Variants in POLR3F observed in about 807,000 individuals in gnomAD.
POLR3F encodes DNA-directed RNA polymerase III subunit RPC6.
Under a neutral mutation model 43.6 loss-of-function variants are expected in POLR3F, and 31 were observed. The observed-to-expected ratio is 0.71, with a 90% CI of 0.53 to 0.96. The LOEUF (loss-of-function observed/expected upper bound fraction) is 0.96. POLR3F is among the 40% of genes least tolerant of loss of function. The pLI is 0.00. For missense variants in POLR3F, 316 were observed against 391.7 expected (o/e 0.81, Z 1.63); for synonymous variants, 114 against 132.5 (o/e 0.86, Z 0.96).
At position 18,472,895 on chromosome 20, in the gene POLR3F, C is replaced by T. The variant is rs759362569; in HGVS notation, c.234C>T (p.Asp78=). ...SNTGLLYRIK[D]SQNAGKMKGS... ...CGGGCCTTTTATATAGAATAAAGGA[C>T]TCTCAGAATGCTGGGTAAGTACTTG... The change falls in exon 3 of 9, where the codon GAC becomes GAT. Residue 78 remains aspartate, a synonymous_variant. Transcript: ENST00000377603. 3.6e-5 allele frequency: 52 copies of T among 1,463,318 alleles called. No individual in the cohort carries two copies. The South Asian group carries it at 5.7e-4, about 16-fold the overall frequency. 90.6% of individuals were successfully genotyped at this position (1,463,318 alleles called of 1,614,324 possible). A position where few individuals can be genotyped will look rare whatever the true frequency, so the allele number is the denominator to read the frequency against.
intron 3 of POLR3F, 42 bp from the exon 4 acceptor site, chr20:18,473,349 C>G: frequency 1.2e-6 from 1 of 835,702 alleles, no homozygotes; most frequent in Non-Finnish European, 2.1e-6. Flanking sequence ...TTAGATTATC[C>G]TATAGTCCTT....
Position 18,484,014 on chromosome 20 carries a change from A to T in POLR3F, c.*456A>T, listed in dbSNP as rs1019469307. ...TCCTACTTTCTCAGTGGTTTCATTG[A>T]AAAGAAATTAGAAGGGGTTAAAGGC... On this transcript the variant is annotated 3_prime_UTR_variant, in exon 9 of 9. Transcript: ENST00000377603. The T allele has an allele frequency of 1.0e-5, 4 of 398,254 alleles. No individual in the cohort carries two copies. The highest frequency in any genetic ancestry group is 8.2e-5 in the African/African-American group (4 of 48,612). 24.7% of individuals were successfully genotyped at this position (398,254 alleles called of 1,614,324 possible).
intron 2 of POLR3F, among the ~76,000 whole-genome samples, chr20:18,470,441 C>T (rs1453132675): frequency 6.6e-6 from 1 of 152,206 alleles, no homozygotes; most frequent in Admixed American, 6.5e-5. Context: ...AAGAAGCAGC[C>T]ATGGATGATG....
At chr20:18,470,704 T>C (rs2059745221) in intron 2 of POLR3F, 1 of 154,286 alleles carries the variant, frequency 6.5e-6, no homozygotes, top group Admixed American at 6.5e-5. Flanking sequence ...CTGAAAATCA[T>C]CTTCAGCACC....
rs536161412 is a variant in POLR3F at position 18,473,561 on chromosome 20, A to G, written c.316+103A>G. 33 of 578,834 alleles carry G rather than the reference A, an allele frequency of 5.7e-5. No homozygotes were observed. In the East Asian group the frequency reaches 9.2e-4, roughly 16 times the overall value. 35.9% of individuals were successfully genotyped at this position (578,834 alleles called of 1,614,324 possible). On this transcript the variant is annotated intron_variant, in intron 4 of 8. Transcript: ENST00000377603. ...GGGTAGAACTCAGTGGACAGAGTAT[A>G]CTGAGGAAGGTAATAGAACATACAA...
chr20:18,481,813 G>A lies in POLR3F; in HGVS notation c.873+3G>A. On this transcript the variant is annotated splice_donor_region_variant and intron_variant, in intron 8 of 8. Transcript: ENST00000377603. Reference sequence around the variant, plus strand: ...GGGCACCCTGTGGACTCTGCCCGGTGAGTTAAAGTGGCTTCACTTTACACT... The same window carrying A: ...GGGCACCCTGTGGACTCTGCCCGGTAAGTTAAAGTGGCTTCACTTTACACT... The A allele has an allele frequency of 1.9e-6, 3 of 1,601,270 alleles. No homozygotes were observed. The highest frequency in any genetic ancestry group is 2.6e-6 in the Non-Finnish European group (3 of 1,169,802).
chr20:18,479,973 T>C (rs1180261043), intron 5 of POLR3F, 65 bp from the exon 6 acceptor site: 2 of 1,170,842 alleles, frequency 1.7e-6, no homozygotes, highest in East Asian at 2.4e-5. Flanking sequence ...TTCCAAAATA[T>C]AGGTGTTTTT....
intron 2 of POLR3F, chr20:18,470,478 G>A (rs530642085): frequency 5.7e-4 from 89 of 154,798 alleles, no homozygotes; most frequent in Non-Finnish European, 1.1e-3. Context: ...CTACAGCCAT[G>A]TTCCAACAAA....
chr20:18,478,636 G>A lies in POLR3F; in HGVS notation c.430-1402G>A, dbSNP rs183267124. On this transcript the variant is annotated intron_variant, in intron 5 of 8. Transcript: ENST00000377603. ...TAATGGATTAGACTTGAAAACATCA[G>A]TATGGACTCTTGTGTAATTTAATAT... is the stretch of plus-strand genomic sequence containing the variant. 2.6e-5 allele frequency among the ~76,000 whole-genome samples: 4 copies of A among 152,284 alleles called. No homozygotes were observed. In the East Asian group the frequency reaches 7.7e-4, roughly 29 times the overall value.
In POLR3F at chr20:18,478,647, T is replaced by C. The variant is rs117890919; in HGVS notation, c.430-1391T>C. Among the ~76,000 whole-genome samples the C allele has an allele frequency of 6.6e-3, 1,004 of 152,308 alleles. 5 individuals are homozygous for C. Among genetic ancestry groups the C allele is most frequent in the Non-Finnish European group, 9.9e-3 (671 of 68,024 alleles). On this transcript the variant is annotated intron_variant, in intron 5 of 8. Transcript: ENST00000377603. ...ACTTGAAAACATCAGTATGGACTCT[T>C]GTGTAATTTAATATAAATAATATAG...
intron 7 of POLR3F, 118 bp from the exon 8 acceptor site, chr20:18,481,501 A>G (rs2059809248): frequency 1.5e-6 from 1 of 689,648 alleles, no homozygotes; most frequent in Admixed American, 2.4e-5. Flanking sequence ...GGCTTCCCAA[A>G]GTGCTGGGAT....
rs937894912 is a variant in POLR3F at position 18,467,639 on chromosome 20, C to T, written c.62+71C>T. On this transcript the variant is annotated intron_variant, in intron 1 of 8. Coordinates refer to ENST00000377603, the MANE Select transcript of POLR3F (RefSeq NM_006466.4). ...CATTTGGGCAGCTGGACCCCTTCTC[C>T]GGGATCCCTTGGGAGTGGCCGGAGC... 6 of 1,608,774 alleles carry T rather than the reference C, an allele frequency of 3.7e-6. No homozygotes were observed. The African/African-American group carries it at 8.0e-5, about 22-fold the overall frequency.
At position 18,483,952 on chromosome 20, in the gene POLR3F, T is replaced by C. The variant is rs2059824250; in HGVS notation, c.*394T>C. ...TTTATTAAGTTCTTCATTGGAAGTT[T>C]TTTTTTATATCTGGTTCACTACCAC... On this transcript the variant is annotated 3_prime_UTR_variant, in exon 9 of 9. Coordinates refer to ENST00000377603, the MANE Select transcript of POLR3F (RefSeq NM_006466.4). The C allele has an allele frequency of 2.5e-6, 1 of 397,012 alleles. No homozygotes were observed. The highest frequency in any genetic ancestry group is 2.1e-5 in the African/African-American group (1 of 48,608). 24.6% of individuals were successfully genotyped at this position (397,012 alleles called of 1,614,324 possible).
At chr20:18,482,952 C>T (rs1335139373) in intron 8 of POLR3F, among the ~76,000 whole-genome samples, 1 of 152,122 alleles carries the variant, frequency 6.6e-6, no homozygotes, top group African/African-American at 2.4e-5. Flanking sequence ...TGGTGATAGC[C>T]TTTTGCCCAG....
intron 4 of POLR3F, among the ~76,000 whole-genome samples, chr20:18,474,832 G>A (rs1601254777): frequency 6.6e-6 from 1 of 152,056 alleles, no homozygotes; most frequent in Non-Finnish European, 1.5e-5. Flanking sequence ...CTTTCCATAA[G>A]TTTTTTAAAA....
At chr20:18,467,617 T>G in intron 1 of POLR3F, 49 bp downstream of exon 1, 1 of 1,613,590 alleles carries the variant, frequency 6.2e-7, no homozygotes, top group Middle Eastern at 1.7e-4. Flanking sequence ...GCCCAGTCAT[T>G]TGGGCAGCTG....
At chr20:18,473,884 G>A (rs368045946) in intron 4 of POLR3F, among the ~76,000 whole-genome samples, 1 of 152,200 alleles carries the variant, frequency 6.6e-6, no homozygotes, top group East Asian at 1.9e-4. Context: ...GAAAGCTGGT[G>A]TGGTGTAGCA....
rs147765832 is a variant in POLR3F, at chr20:18,468,733, A to C, written c.63-211A>C. Reference sequence around the variant, plus strand: ...GTTCTTATTAGTGAGGAAAAGAAATATTCTTAAATAACAATAATACTGTAA... The same window carrying C: ...GTTCTTATTAGTGAGGAAAAGAAATCTTCTTAAATAACAATAATACTGTAA... On this transcript the variant is annotated intron_variant, in intron 1 of 8. Coordinates refer to ENST00000377603, the MANE Select transcript of POLR3F (RefSeq NM_006466.4). Among the ~76,000 whole-genome samples the C allele has an allele frequency of 5.7e-3, 873 of 152,326 alleles. 9 individuals carry two copies. The highest frequency in any genetic ancestry group is 0.02 in the African/African-American group (821 of 41,576).
intron 5 of POLR3F, among the ~76,000 whole-genome samples, chr20:18,478,270 C>T (rs2059790771): frequency 6.6e-6 from 1 of 150,946 alleles, no homozygotes; most frequent in African/African-American, 2.4e-5. Flanking sequence ...GACTGGAGTG[C>T]AGTGGCACAA....
Sources: gnomAD v4.1 joint callset for allele counts (sites outside exome capture counted in the v4.1 genomes callset) on GRCh38, gnomAD v4.1.1 for gene constraint, MANE v1.5 for transcripts, NCBI Gene and HGNC (gene_info 2026-07-23, HGNC 2026-07-21) for gene names.